CLSTN2: variants seen among roughly 807,000 people sequenced by gnomAD.
The protein encoded by CLSTN2 is calsyntenin-2.
In CLSTN2, 48 loss-of-function variants were observed where a neutral mutation model predicts 101.2. The observed-to-expected ratio is 0.47, with a 90% confidence interval of 0.38 to 0.60. The LOEUF (loss-of-function observed/expected upper bound fraction) is 0.60. Ranked by LOEUF, CLSTN2 falls within the 20% of genes least tolerant of loss-of-function variation. CLSTN2 has a pLI of 0.00. For synonymous variants in CLSTN2, 481 were observed against 463.6 expected (o/e 1.04, Z -0.48); for missense variants, 1,160 against 1,238.2 (o/e 0.94, Z 0.95).
intron 4 of CLSTN2, among the ~76,000 whole-genome samples, chr3:140,413,950 G>A (rs769586645): frequency 2.0e-5 from 3 of 151,940 alleles, no homozygotes; most frequent in Admixed American, 6.6e-5. Flanking sequence ...CATACTCCAC[G>A]GTGAAAAGTT....
chr3:139,990,132 A>G lies in CLSTN2; in HGVS notation c.109+54649A>G, dbSNP rs184299107. On this transcript the variant is annotated intron_variant, in intron 1 of 16. Transcript: ENST00000458420. ...AATGATTGTGCTGTTATTTTAACATACACTGTTATTATAATTGGAAATCCT... is the reference window on the plus strand; with the variant it reads ...AATGATTGTGCTGTTATTTTAACATGCACTGTTATTATAATTGGAAATCCT... Among the ~76,000 whole-genome samples, 121 of 152,342 alleles carry G rather than the reference A, an allele frequency of 7.9e-4. 1 individual carries two copies. The highest frequency in any genetic ancestry group is 7.4e-3 in the Admixed American group (113 of 15,292).
intron 2 of CLSTN2, among the ~76,000 whole-genome samples, chr3:140,394,843 T>C (rs971387687): frequency 3.3e-5 from 5 of 152,236 alleles, no homozygotes; most frequent in African/African-American, 1.2e-4. Context: ...TTGTTCTTAC[T>C]ATATTATTTA....
Position 140,183,693 on chromosome 3 carries a change from C to G in CLSTN2, c.232+7620C>G, listed in dbSNP as rs189895239. Among the ~76,000 whole-genome samples, 6 of 152,264 alleles carry G rather than the reference C, an allele frequency of 3.9e-5. No homozygotes were observed. In the East Asian group the frequency reaches 9.6e-4, roughly 24 times the overall value. ...GTGGATTTCTGCCCCTACTTGCCCC[C>G]TGGGCCATACATCATTGTACTGAAA... On this transcript the variant is annotated intron_variant, in intron 2 of 16. Transcript: ENST00000458420.
chr3:140,375,425 C>A (rs1464584182), intron 2 of CLSTN2, among the ~76,000 whole-genome samples: 3 of 152,188 alleles, frequency 2.0e-5, no homozygotes, highest in Admixed American at 6.5e-5. Flanking sequence ...CCTGGGAAGG[C>A]CATGACAGTT....
intron 1 of CLSTN2, among the ~76,000 whole-genome samples, chr3:140,073,420 C>T (rs1040101424): frequency 1.3e-5 from 2 of 152,220 alleles, no homozygotes; most frequent in Admixed American, 1.3e-4. Flanking sequence ...CTGGGTTCAG[C>T]TGCTGCCTCA....
At chr3:140,222,498 A>G (rs966208982) in intron 2 of CLSTN2, among the ~76,000 whole-genome samples, 1 of 152,230 alleles carries the variant, frequency 6.6e-6, no homozygotes, top group Admixed American at 6.5e-5. Flanking sequence ...TACACAAAGG[A>G]TAAATGCTTG....
At chr3:140,322,524 G>A (rs1307758985) in intron 2 of CLSTN2, among the ~76,000 whole-genome samples, 1 of 152,196 alleles carries the variant, frequency 6.6e-6, no homozygotes, top group Non-Finnish European at 1.5e-5. Flanking sequence ...ATCATCCCAA[G>A]GATAAGTGGT....
chr3:140,235,170 A>G (rs1163278658), intron 2 of CLSTN2, among the ~76,000 whole-genome samples: 1 of 152,192 alleles, frequency 6.6e-6, no homozygotes, highest in Non-Finnish European at 1.5e-5. Flanking sequence ...TTCAAAATAT[A>G]TTCGTTGTGT....
intron 1 of CLSTN2, among the ~76,000 whole-genome samples, chr3:140,051,284 C>T (rs922068670): frequency 5.9e-5 from 9 of 152,216 alleles, no homozygotes; most frequent in Non-Finnish European, 1.2e-4. Context: ...GTGTAATTTG[C>T]ACAAGTTTGC....
At chr3:140,465,663 T>A (rs775345474) in intron 7 of CLSTN2, among the ~76,000 whole-genome samples, 3 of 152,238 alleles carry the variant, frequency 2.0e-5, no homozygotes, top group Non-Finnish European at 4.4e-5. Flanking sequence ...AGTATTCCAT[T>A]CTTGGGATAC....
chr3:139,957,339 A>G (rs1007580972), intron 1 of CLSTN2, among the ~76,000 whole-genome samples: 1 of 152,142 alleles, frequency 6.6e-6, no homozygotes, highest in Admixed American at 6.5e-5. Flanking sequence ...CACAGCCTAC[A>G]TCCAGATCCC....
At chr3:140,415,196 A>G (rs1198074437) in intron 4 of CLSTN2, among the ~76,000 whole-genome samples, 1 of 152,108 alleles carries the variant, frequency 6.6e-6, no homozygotes, top group Non-Finnish European at 1.5e-5. Flanking sequence ...TTCAAAATGG[A>G]TTAGAGACTT....
At position 140,570,939 on chromosome 3, in the gene CLSTN2, ATT is replaced by A; in HGVS notation, c.*4687_*4688del. The A allele has an allele frequency of 6.6e-6, 1 of 152,384 alleles. No individual in the cohort carries two copies. The highest frequency in any genetic ancestry group is 1.5e-5 in the Non-Finnish European group (1 of 68,056). The allele number at this position is 152,384 out of a possible 1,614,324, so 9.4% of individuals were successfully genotyped here. The stretch of plus-strand genomic sequence containing the variant: ...ACAGGAAAAAGTGCCATAGTTTTTA[ATT>A]AAGCTGTTTTAAAAGTCCATGTTCC... On this transcript the variant is annotated 3_prime_UTR_variant, in exon 17 of 17. Transcript: ENST00000458420.
chr3:140,245,823 G>C (rs1273727817), intron 2 of CLSTN2, among the ~76,000 whole-genome samples: 1 of 152,206 alleles, frequency 6.6e-6, no homozygotes, highest in African/African-American at 2.4e-5. Context: ...ACTTGCAGTG[G>C]CTTTGGACAG....
intron 1 of CLSTN2, among the ~76,000 whole-genome samples, chr3:139,988,259 C>A (rs1250772646): frequency 6.6e-6 from 1 of 152,140 alleles, no homozygotes; most frequent in African/African-American, 2.4e-5. Context: ...ATTAGACTTT[C>A]CCTTTAAATT....
chr3:140,133,056 C>T (rs1391844465), intron 1 of CLSTN2, among the ~76,000 whole-genome samples: 1 of 152,126 alleles, frequency 6.6e-6, no homozygotes, highest in Non-Finnish European at 1.5e-5. Context: ...CAGCAGGCTA[C>T]ACAAGCATGG....
chr3:140,278,353 A>G (rs544848869), intron 2 of CLSTN2, among the ~76,000 whole-genome samples: 1 of 17,798 alleles, frequency 5.6e-5, no homozygotes, highest in African/African-American at 9.4e-5. Context: ...TCCAGGGCTC[A>G]ACACTTGAGC....
At chr3:140,563,706 A>T (rs1443134096) in intron 15 of CLSTN2, among the ~76,000 whole-genome samples, 1 of 152,214 alleles carries the variant, frequency 6.6e-6, no homozygotes, top group South Asian at 2.1e-4. Context: ...ATGAACACCT[A>T]TACTGTGCCT....
At chr3:140,167,443 C>G (rs959193535) in intron 1 of CLSTN2, among the ~76,000 whole-genome samples, 3 of 152,136 alleles carry the variant, frequency 2.0e-5, no homozygotes, top group Admixed American at 2.0e-4. Flanking sequence ...TTCCATAGCA[C>G]TCTGCTCTTC....
Sources: gnomAD v4.1 joint callset for allele counts (sites outside exome capture counted in the v4.1 genomes callset) on GRCh38, gnomAD v4.1.1 for gene constraint, MANE v1.5 for transcripts, NCBI Gene and HGNC (gene_info 2026-07-23, HGNC 2026-07-21) for gene names.